Variants in CDON observed in about 807,000 individuals in gnomAD.
CDON encodes cell adhesion molecule-related/down-regulated by oncogenes.
Under a neutral mutation model 120.9 loss-of-function variants are expected in CDON, and 73 were observed. That is an observed-to-expected ratio of 0.60 (90% CI 0.50 to 0.73). The LOEUF (loss-of-function observed/expected upper bound fraction) is 0.73. Among genes scored for constraint, CDON ranks in the 30% least tolerant of loss-of-function variants. The probability of loss-of-function intolerance (pLI) is 0.00; values close to 1 mark genes in which losing one functional copy is unlikely to be tolerated. For synonymous variants in CDON, 566 were observed against 573.5 expected (o/e 0.99, Z 0.19); for missense variants, 1,470 against 1,587.3 (o/e 0.93, Z 1.26).
At chr11:126,043,983 G>T (rs1309459635) in intron 1 of CDON, among the ~76,000 whole-genome samples, 1 of 152,202 alleles carries the variant, frequency 6.6e-6, no homozygotes. Flanking sequence ...GTGCCCAGGT[G>T]CATTTGCATT....
chr11:126,036,926 G>A (rs1323979382), intron 1 of CDON, among the ~76,000 whole-genome samples: 2 of 152,140 alleles, frequency 1.3e-5, no homozygotes, highest in African/African-American at 2.4e-5. Flanking sequence ...GGCCTCAATC[G>A]ATCTGCCTGC....
intron 6 of CDON, 87 bp from the exon 7 acceptor site, chr11:126,015,597 C>T (rs1047935996): frequency 2.2e-6 from 3 of 1,374,390 alleles, no homozygotes; most frequent in Non-Finnish European, 2.0e-6. Context: ...TTCTCTCTAC[C>T]AATAACCAGT....
At chr11:126,059,458 T>C (rs920770543) in intron 1 of CDON, among the ~76,000 whole-genome samples, 2 of 152,030 alleles carry the variant, frequency 1.3e-5, no homozygotes, top group African/African-American at 2.4e-5. Context: ...TCTTCTAATG[T>C]AGCCTTCCCT....
In CDON at chr11:125,960,738, A is replaced by C. The variant is rs1028181109; in HGVS notation, c.*204T>G. ...GGTTGTTTCCTACCGAGGGGGAGGA[A>C]GGAATGGGGAAGAAAACATTTAAGG... On this transcript the variant is annotated 3_prime_UTR_variant, in exon 20 of 20. Coordinates refer to ENST00000531738, the MANE Select transcript of CDON (RefSeq NM_001378964.1). 5.1e-6 allele frequency: 3 copies of C among 589,876 alleles called. No individual in the cohort carries two copies. Among genetic ancestry groups the C allele is most frequent in the Non-Finnish European group, 9.1e-6 (3 of 330,558 alleles). The allele number at this position is 589,876 out of a possible 1,614,324, so 36.5% of individuals were successfully genotyped here.
At chr11:126,046,313 G>T (rs1948405952) in intron 1 of CDON, among the ~76,000 whole-genome samples, 1 of 152,046 alleles carries the variant, frequency 6.6e-6, no homozygotes, top group African/African-American at 2.4e-5. Context: ...TATTTTAGGG[G>T]ACCCACAGAG....
chr11:126,055,831 A>T (rs1345587043), intron 1 of CDON, among the ~76,000 whole-genome samples: 1 of 152,230 alleles, frequency 6.6e-6, no homozygotes, highest in Non-Finnish European at 1.5e-5. Flanking sequence ...GTCCCTATTT[A>T]AGTAAGGAAG....
intron 1 of CDON, among the ~76,000 whole-genome samples, chr11:126,049,252 A>G (rs1948493580): frequency 1.3e-5 from 2 of 152,198 alleles, no homozygotes; most frequent in South Asian, 4.1e-4. Flanking sequence ...AAACTTACAG[A>G]CAAGCATCAT....
At chr11:126,043,127 G>GTGGGCTGAGTCTTCGTTTGT (rs1948310451) in intron 1 of CDON, among the ~76,000 whole-genome samples, 1 of 152,214 alleles carries the variant, frequency 6.6e-6, no homozygotes, top group Non-Finnish European at 1.5e-5. Flanking sequence ...CAGACTGATT[G>GTGGGCTGAGTCTTCGTTTGT]TGGGCTGAGT....
At chr11:125,997,586 A>C (rs1946826222) in intron 11 of CDON, among the ~76,000 whole-genome samples, 176 bp from the exon 12 acceptor site, 1 of 152,224 alleles carries the variant, frequency 6.6e-6, no homozygotes, top group Non-Finnish European at 1.5e-5. Flanking sequence ...TCTAATGGGA[A>C]TACAGGAAAT....
Position 126,021,447 on chromosome 11 carries a change from A to G in CDON, c.150T>C (p.Cys50=). Residue 50 remains cysteine, a synonymous_variant, in exon 3 of 20, where the codon TGT becomes TGC. Coordinates refer to ENST00000531738, the MANE Select transcript of CDON (RefSeq NM_001378964.1). ...QKLGGPVVLH[C]SAQPVTTRIS... is the part of the protein sequence containing the mutation. ...TACGAGTGGTCACAGGTTGAGCAGA[A>G]CAATGCAGTACTACAGGTCCACCAA... The G allele has an allele frequency of 6.2e-7, 1 of 1,614,140 alleles. No individual in the cohort carries two copies.
At chr11:126,007,281 G>T (rs1049591341) in intron 8 of CDON, among the ~76,000 whole-genome samples, 1 of 152,196 alleles carries the variant, frequency 6.6e-6, no homozygotes. Flanking sequence ...GACAGTGTAA[G>T]GTTAGTTCTC....
At chr11:126,051,811 C>G (rs1035598248) in intron 1 of CDON, among the ~76,000 whole-genome samples, 1 of 151,920 alleles carries the variant, frequency 6.6e-6, no homozygotes, top group African/African-American at 2.4e-5. Flanking sequence ...CCACGCCCAG[C>G]TAATTTTTTG....
intron 1 of CDON, among the ~76,000 whole-genome samples, chr11:126,056,160 C>G (rs1040178278): frequency 5.3e-5 from 8 of 152,238 alleles, no homozygotes; most frequent in Admixed American, 2.6e-4. Flanking sequence ...CATTACAACA[C>G]TTCCAGGAAT....
intron 1 of CDON, among the ~76,000 whole-genome samples, chr11:126,038,599 C>T (rs1280366697): frequency 2.0e-5 from 3 of 151,636 alleles, no homozygotes; most frequent in South Asian, 2.1e-4. Flanking sequence ...TTGCAGTGAG[C>T]GGAGACTGTC....
intron 1 of CDON, among the ~76,000 whole-genome samples, chr11:126,059,497 C>A (rs1275950551): frequency 7.4e-6 from 1 of 134,710 alleles, no homozygotes; most frequent in African/African-American, 2.7e-5. Flanking sequence ...CTGCCCGCAT[C>A]CCCCCAATCC....
At chr11:125,965,423 C>T (rs1483091791) in intron 18 of CDON, among the ~76,000 whole-genome samples, 3 of 152,042 alleles carry the variant, frequency 2.0e-5, no homozygotes, top group Non-Finnish European at 4.4e-5. Context: ...TCCGAGTGGC[C>T]CTGAGCATCA....
intron 17 of CDON, among the ~76,000 whole-genome samples, chr11:125,980,745 A>C (rs935886199): frequency 6.6e-6 from 1 of 152,250 alleles, no homozygotes; most frequent in African/African-American, 2.4e-5. Context: ...AATCAAATTT[A>C]AAGTATTTGG....
At chr11:125,972,177 G>A (rs1185595531) in intron 18 of CDON, among the ~76,000 whole-genome samples, 1 of 152,182 alleles carries the variant, frequency 6.6e-6, no homozygotes, top group Admixed American at 6.5e-5. Context: ...TGTAATCTCA[G>A]AACATTGGGA....
At chr11:125,982,868 CTCTTT>C (rs1244124314) in intron 16 of CDON, among the ~76,000 whole-genome samples, 1 of 152,166 alleles carries the variant, frequency 6.6e-6, no homozygotes, top group Non-Finnish European at 1.5e-5. Context: ...ATTAATACTT[CTCTTT>C]TCATGATTCA....
Sources: allele counts gnomAD v4.1 joint callset (sites outside exome capture counted in the v4.1 genomes callset), GRCh38; gene constraint gnomAD v4.1.1; transcripts MANE v1.5; gene names NCBI Gene and HGNC (gene_info 2026-07-23, HGNC 2026-07-21).